POTEF: variants seen among roughly 807,000 people sequenced by gnomAD.
The protein encoded by POTEF is ANKRD26-like family C member 1B.
Under a neutral mutation model 83.2 loss-of-function variants are expected in POTEF, and 20 were observed. The ratio of observed to expected loss-of-function variants is 0.24; its 90% confidence interval spans 0.17 to 0.35. The LOEUF is 0.35. Ranked by LOEUF, POTEF falls within the 10% of genes least tolerant of loss-of-function variation. POTEF has a pLI of 1.00. For missense variants in POTEF, 550 were observed against 1,203.2 expected (o/e 0.46, Z 8.03); for synonymous variants, 196 against 446.4 (o/e 0.44, Z 7.07).
At chr2:130,107,392 T>C (rs1684569664) in intron 8 of POTEF, among the ~76,000 whole-genome samples, 1 of 151,034 alleles carries the variant, frequency 6.6e-6, no homozygotes, top group Admixed American at 6.6e-5. Context: ...GCTTCAGTGT[T>C]CTTTTGTGAT....
intron 12 of POTEF, among the ~76,000 whole-genome samples, chr2:130,093,051 GATAGCATT>G (rs1410476647): frequency 6.9e-6 from 1 of 144,142 alleles, no homozygotes; most frequent in Non-Finnish European, 1.5e-5. Context: ...TCAGATCAGT[GATAGCATT>G]AGATACTCAT....
At position 130,101,033 on chromosome 2, in the gene POTEF, CTAAACT is replaced by C. The variant is rs1258033976; in HGVS notation, c.1198-319_1198-314del. On this transcript the variant is annotated intron_variant, in intron 9 of 16. Transcript: ENST00000409914. ...TTAATTTGGTCACCATTTGTTTGGACTAAACTTAATTTGTTATGTGTTAAATCTACC... is the reference window on the plus strand; with the variant it reads ...TTAATTTGGTCACCATTTGTTTGGACTAATTTGTTATGTGTTAAATCTACC... Among the ~76,000 whole-genome samples the C allele has an allele frequency of 3.5e-5, 5 of 143,028 alleles. No individual in the cohort carries two copies. In the Admixed American group the frequency reaches 3.5e-4, roughly 10 times the overall value. The allele number at this position is 143,028 out of a possible 152,430, so 93.8% of individuals were successfully genotyped here.
rs1359875642 is a variant in POTEF at position 130,075,076 on chromosome 2, T to C, written c.2396A>G (p.Glu799Gly). 1.9e-6 allele frequency: 3 copies of C among 1,613,808 alleles called. No individual in the cohort carries two copies. Among genetic ancestry groups the C allele is most frequent in the South Asian group, 2.2e-5 (2 of 91,076 alleles). ...CTCGGTCAGCAGGACGGGGTGCTCC[T>C]CGGGAGCCACACGCAGCTCGTTGTA... ...TFYNELRVAPEEHPVLLTEAT... is the reference protein window; with the variant it reads ...TFYNELRVAPGEHPVLLTEAT... Residue 799 changes from glutamate (E) to glycine (G), a missense_variant, in exon 17 of 17, where the codon GAG (glutamate) becomes GGG (glycine). Transcript: ENST00000409914.
At chr2:130,114,476 G>C (rs1684789499) in intron 5 of POTEF, among the ~76,000 whole-genome samples, 1 of 145,246 alleles carries the variant, frequency 6.9e-6, no homozygotes, top group African/African-American at 2.6e-5. Context: ...TGTTTTTTAG[G>C]AACTTGCCAA....
intron 3 of POTEF, among the ~76,000 whole-genome samples, chr2:130,119,408 C>A (rs186771205): frequency 1.3e-5 from 2 of 151,988 alleles, no homozygotes; most frequent in South Asian, 2.1e-4. Flanking sequence ...CCTCATGATC[C>A]GCCCGCCTCC....
At chr2:130,113,089 AAGTC>A (rs1442562339) in intron 5 of POTEF, among the ~76,000 whole-genome samples, 1 of 143,688 alleles carries the variant, frequency 7.0e-6, no homozygotes, top group Non-Finnish European at 1.5e-5. Context: ...ACAGAGATAA[AAGTC>A]AGACTAGGTC....
chr2:130,121,336 G>A (rs1255759505), intron 2 of POTEF, among the ~76,000 whole-genome samples: 2 of 149,238 alleles, frequency 1.3e-5, no homozygotes, highest in Non-Finnish European at 3.0e-5. Flanking sequence ...AAGGAGGACT[G>A]GGGCTAAGCG....
chr2:130,076,662 T>C (rs1371994482), intron 16 of POTEF, among the ~76,000 whole-genome samples: 1 of 145,644 alleles, frequency 6.9e-6, no homozygotes, highest in South Asian at 2.2e-4. Context: ...AGGATAATGG[T>C]ATCCACAATG....
intron 8 of POTEF, among the ~76,000 whole-genome samples, chr2:130,102,692 TCC>T (rs1684406914): frequency 6.6e-6 from 1 of 150,608 alleles, no homozygotes; most frequent in Non-Finnish European, 1.5e-5. Flanking sequence ...TGTCTCCCCT[TCC>T]CCTCAGCATT....
intron 3 of POTEF, among the ~76,000 whole-genome samples, chr2:130,119,125 T>G (rs1338738527): frequency 6.6e-6 from 1 of 151,796 alleles, no homozygotes; most frequent in African/African-American, 2.4e-5. Context: ...GCTATTTTTA[T>G]TTGGCTTAGG....
intron 1 of POTEF, among the ~76,000 whole-genome samples, chr2:130,128,700 T>C (rs373716653): frequency 1.2e-4 from 18 of 149,438 alleles, no homozygotes; most frequent in East Asian, 4.0e-4. Flanking sequence ...GCACCCTGAG[T>C]AAGGGCAGTG....
intron 2 of POTEF, among the ~76,000 whole-genome samples, chr2:130,124,649 G>A (rs1254875266): frequency 2.3e-5 from 2 of 88,726 alleles, no homozygotes; most frequent in Non-Finnish European, 4.7e-5. Flanking sequence ...GACAACGCAA[G>A]GCAAAACAGA....
chr2:130,128,083 A>G (rs1372084345), intron 1 of POTEF, among the ~76,000 whole-genome samples: 2 of 146,504 alleles, frequency 1.4e-5, no homozygotes, highest in Admixed American at 6.8e-5. Flanking sequence ...TGGGCCCACC[A>G]GGGCTGCACT....
At chr2:130,113,339 C>T (rs1684761041) in intron 5 of POTEF, among the ~76,000 whole-genome samples, 1 of 86,652 alleles carries the variant, frequency 1.2e-5, no homozygotes, top group Non-Finnish European at 2.5e-5. Context: ...GAGACCCCAT[C>T]TCAAAAAAAA....
At chr2:130,101,864 T>C (rs1684382819) in intron 9 of POTEF, among the ~76,000 whole-genome samples, 1 of 138,404 alleles carries the variant, frequency 7.2e-6, no homozygotes, top group Non-Finnish European at 1.5e-5. Context: ...TATAAGAGTA[T>C]TTTAAATTTT....
chr2:130,123,752 T>C (rs1205354250), intron 2 of POTEF, among the ~76,000 whole-genome samples: 8 of 149,546 alleles, frequency 5.3e-5, no homozygotes, highest in Non-Finnish European at 1.0e-4. Context: ...ATTCCCTACA[T>C]TTGCTAAATA....
chr2:130,114,274 C>T (rs1204703860), intron 5 of POTEF, among the ~76,000 whole-genome samples: 1 of 151,816 alleles, frequency 6.6e-6, no homozygotes, highest in Non-Finnish European at 1.5e-5. Flanking sequence ...GCAAAGGAAA[C>T]AAATCAGTCA....
chr2:130,075,944 G>A (rs994789930), intron 16 of POTEF, among the ~76,000 whole-genome samples: 3 of 148,394 alleles, frequency 2.0e-5, no homozygotes, highest in African/African-American at 7.5e-5. Flanking sequence ...TTAATAATTT[G>A]ACTACATTTT....
At chr2:130,120,969 T>C (rs1684987570) in intron 2 of POTEF, 1 of 251,528 alleles carries the variant, frequency 4.0e-6, no homozygotes, top group Non-Finnish European at 7.4e-6. Context: ...GCGTGCAGCA[T>C]GCGCGTGCAA....
Sources: allele counts gnomAD v4.1 joint callset (sites outside exome capture counted in the v4.1 genomes callset), GRCh38; gene constraint gnomAD v4.1.1; transcripts MANE v1.5; gene names NCBI Gene and HGNC (gene_info 2026-07-23, HGNC 2026-07-21).